The following TMEM45A variants were observed in gnomAD, a reference collection of about 807,000 sequenced individuals.
The protein encoded by TMEM45A is transmembrane protein 45A, also known as DNA polymerase-transactivated protein 4.
In TMEM45A, 25 loss-of-function variants were observed where a neutral mutation model predicts 32.0. The ratio of observed to expected loss-of-function variants is 0.78; its 90% CI spans 0.57 to 1.09. The LOEUF (loss-of-function observed/expected upper bound fraction) is 1.09. TMEM45A is among the 50% of genes least tolerant of loss of function. TMEM45A has a pLI of 0.00. For missense variants in TMEM45A, 302 were observed against 325.0 expected, an observed-to-expected ratio of 0.93 and a Z score of 0.54; for synonymous variants, 122 against 114.8, an observed-to-expected ratio of 1.06 and a Z score of -0.40.
intron 1 of TMEM45A, chr3:100,519,368 G>T (rs1705380896): frequency 1.7e-6 from 1 of 575,656 alleles, no homozygotes; most frequent in Non-Finnish European, 3.0e-6. Context: ...ATGCATACAG[G>T]TTGTGTGTGT....
chr3:100,501,201 C>T (rs1708003608), intron 1 of TMEM45A, among the ~76,000 whole-genome samples: 1 of 152,194 alleles, frequency 6.6e-6, no homozygotes, highest in South Asian at 2.1e-4. Context: ...TTCCCGTTGC[C>T]TCCGAAAGAT....
intron 1 of TMEM45A, among the ~76,000 whole-genome samples, chr3:100,537,266 G>A (rs1467473677): frequency 6.6e-6 from 1 of 152,124 alleles, no homozygotes; most frequent in African/African-American, 2.4e-5. Context: ...TGAATTTCAT[G>A]GTGTAACCTC....
chr3:100,510,487 A>G (rs1708142080), intron 1 of TMEM45A, among the ~76,000 whole-genome samples: 1 of 152,232 alleles, frequency 6.6e-6, no homozygotes, highest in African/African-American at 2.4e-5. Context: ...ATCATCAAAG[A>G]CCAAAAGTAG....
intron 4 of TMEM45A, among the ~76,000 whole-genome samples, chr3:100,567,807 C>T (rs750431403): frequency 3.9e-5 from 6 of 151,964 alleles, no homozygotes; most frequent in East Asian, 1.9e-4. Flanking sequence ...TTTTTTGAGA[C>T]GGAGACTTGC....
intron 1 of TMEM45A, among the ~76,000 whole-genome samples, chr3:100,512,764 T>C (rs1306955713): frequency 6.6e-6 from 1 of 150,822 alleles, no homozygotes; most frequent in Non-Finnish European, 1.5e-5. Context: ...AAGAATCAAA[T>C]AGATGCAATA....
intron 4 of TMEM45A, among the ~76,000 whole-genome samples, chr3:100,567,782 C>A (rs971351452): frequency 2.0e-5 from 3 of 151,902 alleles, no homozygotes; most frequent in Admixed American, 2.0e-4. Flanking sequence ...GAACTGTCTT[C>A]TTTTTCTTTT....
intron 1 of TMEM45A, among the ~76,000 whole-genome samples, chr3:100,536,136 C>A (rs1397857752): frequency 6.6e-6 from 1 of 152,078 alleles, no homozygotes; most frequent in Non-Finnish European, 1.5e-5. Flanking sequence ...TACTAAACAT[C>A]CTACAATGCA....
At chr3:100,522,445 A>G (rs142705550) in intron 1 of TMEM45A, among the ~76,000 whole-genome samples, 9 of 152,344 alleles carry the variant, frequency 5.9e-5, no homozygotes, top group African/African-American at 2.2e-4. Context: ...CATCCACGCA[A>G]ATAGACTGGC....
At chr3:100,534,027 G>A (rs1417238920) in intron 1 of TMEM45A, among the ~76,000 whole-genome samples, 1 of 152,144 alleles carries the variant, frequency 6.6e-6, no homozygotes, top group Non-Finnish European at 1.5e-5. Flanking sequence ...AGCTGTTCAA[G>A]CCAAATGTGA....
In TMEM45A at chr3:100,543,435, A is replaced by G. The variant is rs182487472; in HGVS notation, c.-3-11774A>G. Among the ~76,000 whole-genome samples, 53 of 152,354 alleles carry G rather than the reference A, an allele frequency of 3.5e-4. 1 individual carries two copies. Among genetic ancestry groups the G allele is most frequent in the Admixed American group, 1.6e-3 (25 of 15,300 alleles). ...TCCTAGCTACTGCCAAATTCTTGGC[A>G]AAGTGTAATAGTAATGCCATTTTGC... On this transcript the variant is annotated intron_variant, in intron 1 of 5. Transcript: ENST00000323523.
chr3:100,550,159 A>G lies in TMEM45A; in HGVS notation c.-3-5050A>G, dbSNP rs1361243767. Among the ~76,000 whole-genome samples the G allele has an allele frequency of 2.4e-4, 37 of 151,204 alleles. 1 individual carries two copies. Among genetic ancestry groups the G allele is most frequent in the African/African-American group, 8.0e-4 (33 of 41,200 alleles). ...ATGTATACATATGTAACTAACCTGC[A>G]CAATGTGCACATGTACCCTAAAACT... On this transcript the variant is annotated intron_variant, in intron 1 of 5. Transcript: ENST00000323523.
chr3:100,552,541 G>A (rs1217115108), intron 1 of TMEM45A, among the ~76,000 whole-genome samples: 1 of 152,190 alleles, frequency 6.6e-6, no homozygotes, highest in African/African-American at 2.4e-5. Context: ...CTAGGATGAT[G>A]TTCATATTTT....
chr3:100,494,829 C>G lies in TMEM45A; in HGVS notation c.-4+1901C>G, dbSNP rs962137398. ...TACCTAGGGCAAGTTACTCAGCCCC[C>G]CTGTGCCTCAGCTTCCTCCTCTGTA... On this transcript the variant is annotated intron_variant, in intron 1 of 5. Transcript: ENST00000323523. Among the ~76,000 whole-genome samples, 5 of 152,164 alleles carry G rather than the reference C, an allele frequency of 3.3e-5. No individual in the cohort carries two copies. The South Asian group carries it at 1.0e-3, about 32-fold the overall frequency.
At chr3:100,538,209 T>C (rs1223808087) in intron 1 of TMEM45A, among the ~76,000 whole-genome samples, 2 of 152,208 alleles carry the variant, frequency 1.3e-5, no homozygotes, top group African/African-American at 4.8e-5. Flanking sequence ...GAGATGTATA[T>C]CCCTATCATA....
chr3:100,523,803 C>T (rs1363601235), intron 1 of TMEM45A, among the ~76,000 whole-genome samples: 43 of 145,084 alleles, frequency 3.0e-4, no homozygotes, highest in Non-Finnish European at 5.6e-4. Context: ...TTCTCCTTCT[C>T]CTCCTCCTCC....
At chr3:100,508,712 G>A (rs994631656) in intron 1 of TMEM45A, among the ~76,000 whole-genome samples, 2 of 152,034 alleles carry the variant, frequency 1.3e-5, no homozygotes, top group African/African-American at 4.8e-5. Flanking sequence ...ATTGGGGAAA[G>A]GAAACCCTGT....
At chr3:100,557,812 A>G (rs1706253911) in intron 3 of TMEM45A, among the ~76,000 whole-genome samples, 1 of 152,196 alleles carries the variant, frequency 6.6e-6, no homozygotes, top group Non-Finnish European at 1.5e-5. Context: ...GAAAAAGATG[A>G]AGCTGGAATC....
chr3:100,541,885 T>C (rs890189527), intron 1 of TMEM45A, among the ~76,000 whole-genome samples: 3 of 152,326 alleles, frequency 2.0e-5, no homozygotes, highest in South Asian at 2.1e-4. Flanking sequence ...CTTTGTTGAA[T>C]TGGGAGTCCT....
At chr3:100,532,854 G>A (rs1705670413) in intron 1 of TMEM45A, among the ~76,000 whole-genome samples, 1 of 152,122 alleles carries the variant, frequency 6.6e-6, no homozygotes, top group East Asian at 1.9e-4. Context: ...AGTACCTCAA[G>A]GAATCAAGAG....
Sources: allele counts gnomAD v4.1 joint callset (sites outside exome capture counted in the v4.1 genomes callset), GRCh38; gene constraint gnomAD v4.1.1; transcripts MANE v1.5; gene names NCBI Gene and HGNC (gene_info 2026-07-23, HGNC 2026-07-21).